Variants in AADACL3 observed in about 807,000 individuals in gnomAD.
AADACL3 encodes arylacetamide deacetylase-like 3.
In AADACL3, 13 loss-of-function variants were observed where a neutral mutation model predicts 13.6. The observed-to-expected ratio is 0.95, with a 90% CI of 0.62 to 1.52. The LOEUF (loss-of-function observed/expected upper bound fraction) is 1.52. AADACL3 is among the 40% of genes most tolerant of loss of function. The probability of loss-of-function intolerance (pLI) is 0.00; values close to 1 mark genes in which losing one functional copy is unlikely to be tolerated. For missense variants in AADACL3, 519 were observed against 499.2 expected, an observed-to-expected ratio of 1.04 and a Z score of -0.38; for synonymous variants, 195 against 197.0, an observed-to-expected ratio of 0.99 and a Z score of 0.08.
chr1:12,728,632 G>C lies in AADACL3; in HGVS notation c.*2636G>C, dbSNP rs987752474. 6.6e-6 allele frequency: 1 copy of C among 152,284 alleles called. No homozygotes were observed. The highest frequency in any genetic ancestry group is 2.4e-5 in the African/African-American group (1 of 41,450). The allele number at this position is 152,284 out of a possible 1,614,324, so 9.4% of individuals were successfully genotyped here. The stretch of plus-strand genomic sequence containing the variant: ...AAAGATGTGTATGTTACATTCATGG[G>C]AATGTCTAAATTGTCGTAATCTTTT... On this transcript the variant is annotated 3_prime_UTR_variant, in exon 4 of 4. Transcript: ENST00000359318.
rs910165197 is a variant in AADACL3 at position 12,717,958 on chromosome 1, G to A, written c.169-1517G>A. Among the ~76,000 whole-genome samples, 9 of 152,202 alleles carry A rather than the reference G, an allele frequency of 5.9e-5. 1 individual carries two copies. The highest frequency in any genetic ancestry group is 1.3e-4 in the Admixed American group (2 of 15,288). ...TGAAATTCTTCTCATGAGGAATGAA[G>A]GCAACAAACCACAGTCCTGAAAGCC... On this transcript the variant is annotated intron_variant, in intron 1 of 3. Coordinates refer to ENST00000359318, the MANE Select transcript of AADACL3 (RefSeq NM_001103170.3).
rs1648516078 is a variant in AADACL3, at chr1:12,719,427, C to T, written c.169-48C>T. ...GTTGTGAAGGCCAGACTCCAGATGG[C>T]CTGTGAAGAAACCCATCTCGACCCA... On this transcript the variant is annotated intron_variant, in intron 1 of 3. Coordinates refer to ENST00000359318, the MANE Select transcript of AADACL3 (RefSeq NM_001103170.3). 2.6e-6 allele frequency: 4 copies of T among 1,559,510 alleles called. No homozygotes were observed. The African/African-American group carries it at 4.1e-5, about 16-fold the overall frequency.
intron 3 of AADACL3, among the ~76,000 whole-genome samples, chr1:12,724,673 G>T (rs1279038476): frequency 2.0e-5 from 3 of 152,098 alleles, no homozygotes; most frequent in East Asian, 1.9e-4. Context: ...CTTTGTAGAG[G>T]TGGGGTCTCA....
Position 12,719,797 on chromosome 1 carries a change from G to A in AADACL3, c.385+106G>A, listed in dbSNP as rs571588262. 5 of 1,181,564 alleles carry A rather than the reference G, an allele frequency of 4.2e-6. No individual in the cohort carries two copies. In the East Asian group the frequency reaches 1.2e-4, roughly 29 times the overall value. The allele number at this position is 1,181,564 out of a possible 1,614,324, so 73.2% of individuals were successfully genotyped here. On this transcript the variant is annotated intron_variant, in intron 2 of 3. Coordinates refer to ENST00000359318, the MANE Select transcript of AADACL3 (RefSeq NM_001103170.3). ...CTTAAAGTATGCTATTATTATCAGG[G>A]AACACCAGGGCAGTTCATGGTTTGC...
chr1:12,720,970 G>C (rs374862028), intron 3 of AADACL3, 24 bp downstream of exon 3: 4 of 1,578,246 alleles, frequency 2.5e-6, no homozygotes, highest in Non-Finnish European at 3.5e-6. Flanking sequence ...AGATCCCAGG[G>C]AGCCAGCAAG....
Position 12,720,885 on chromosome 1 carries a change from A to C in AADACL3, c.388A>C (p.Thr130Pro). The change falls in exon 3 of 4, where the codon ACC becomes CCC. Residue 130 changes from threonine (T) to proline (P), a missense_variant and splice_region_variant. Transcript: ENST00000359318. ...CTTAAAAACCATTTATTTTCTAGAA[A>C]CCCACCATGGCATATGCTCTCGTTT... Reference protein sequence around the residue: ...GGGGVMGSLKTHHGICSRLCK... With the variant: ...GGGGVMGSLKPHHGICSRLCK... The C allele has an allele frequency of 6.2e-7, 1 of 1,610,906 alleles. No individual in the cohort carries two copies. The highest frequency in any genetic ancestry group is 8.5e-7 in the Non-Finnish European group (1 of 1,177,944).
In AADACL3 at chr1:12,725,723, T is replaced by C; in HGVS notation, c.951T>C (p.Val317=). 3 of 1,614,154 alleles carry C rather than the reference T, an allele frequency of 1.9e-6. No homozygotes were observed. The highest frequency in any genetic ancestry group is 2.5e-6 in the Non-Finnish European group (3 of 1,180,024). ...MNEAAYLEVS[V]VLDVMCSPLI... Reference sequence around the variant, plus strand: ...AAGCTGCTTACTTGGAAGTAAGTGTTGTCCTGGATGTGATGTGCTCGCCCC... The same window carrying C: ...AAGCTGCTTACTTGGAAGTAAGTGTCGTCCTGGATGTGATGTGCTCGCCCC... Residue 317 remains valine, a synonymous_variant, in exon 4 of 4, where the codon GTT becomes GTC. Coordinates refer to ENST00000359318, the MANE Select transcript of AADACL3 (RefSeq NM_001103170.3).
In AADACL3 at chr1:12,727,341, G is replaced by T. The variant is rs376542823; in HGVS notation, c.*1345G>T. On this transcript the variant is annotated 3_prime_UTR_variant, in exon 4 of 4. Transcript: ENST00000359318. ...GACAACGTTCCTAATTGAAGGGTAG[G>T]GTAAATGGTTGTTGGGTGGACACCA... is the stretch of plus-strand genomic sequence containing the variant. The T allele has an allele frequency of 2.0e-5, 3 of 152,178 alleles. No individual in the cohort carries two copies. The highest frequency in any genetic ancestry group is 4.1e-4 in the South Asian group (2 of 4,830). The allele number at this position is 152,178 out of a possible 1,614,324, so 9.4% of individuals were successfully genotyped here.
chr1:12,717,438 A>G (rs951925933), intron 1 of AADACL3, among the ~76,000 whole-genome samples: 1 of 152,182 alleles, frequency 6.6e-6, no homozygotes, highest in Non-Finnish European at 1.5e-5. Flanking sequence ...CCCTCTCCAG[A>G]AGGCTTATTA....
intron 3 of AADACL3, among the ~76,000 whole-genome samples, chr1:12,723,675 C>T (rs1404206211): frequency 6.6e-6 from 1 of 151,688 alleles, no homozygotes; most frequent in Admixed American, 6.6e-5. Context: ...GGCAGGGTTT[C>T]ACCTTGTTGC....
intron 1 of AADACL3, among the ~76,000 whole-genome samples, chr1:12,717,103 T>C (rs999450152): frequency 6.6e-6 from 1 of 152,242 alleles, no homozygotes; most frequent in Non-Finnish European, 1.5e-5. Flanking sequence ...AAAATATTTT[T>C]TGTAAGTTTC....
At chr1:12,721,447 G>A (rs1360908163) in intron 3 of AADACL3, among the ~76,000 whole-genome samples, 2 of 152,046 alleles carry the variant, frequency 1.3e-5, no homozygotes, top group African/African-American at 2.4e-5. Flanking sequence ...ATAAGGGGAG[G>A]TGAAGAGAGA....
At chr1:12,722,357 G>T (rs149872450) in intron 3 of AADACL3, among the ~76,000 whole-genome samples, 5 of 141,460 alleles carry the variant, frequency 3.5e-5, no homozygotes, top group African/African-American at 1.0e-4. Flanking sequence ...AAATGGAAAA[G>T]AAAATGAAGA....
At chr1:12,722,865 A>G (rs1457002424) in intron 3 of AADACL3, among the ~76,000 whole-genome samples, 1 of 152,076 alleles carries the variant, frequency 6.6e-6, no homozygotes, top group Admixed American at 6.5e-5. Flanking sequence ...GTCCTCAGCA[A>G]TGTCGACAGG....
rs369701134 is a variant in AADACL3 at position 12,719,575 on chromosome 1, C to T, written c.269C>T (p.Thr90Met). The T allele has an allele frequency of 3.0e-5, 49 of 1,614,016 alleles. No homozygotes were observed. The highest frequency in any genetic ancestry group is 1.6e-4 in the African/African-American group (12 of 75,040). The change falls in exon 2 of 4, where the codon ACG becomes ATG. Residue 90 changes from threonine to methionine, a missense_variant. Thr to Met is a moderately conservative substitution (Grantham distance 81). Coordinates refer to ENST00000359318, the MANE Select transcript of AADACL3 (RefSeq NM_001103170.3). The stretch of plus-strand genomic sequence containing the variant: ...AAGTATGACCCCGATGTTGTGGTCA[C>T]GGATTTCCGCTTTGGGACAATCCCT... ...PLKYDPDVVV[T>M]DFRFGTIPVK...
Position 12,725,336 on chromosome 1 carries a change from G to C in AADACL3, c.564G>C (p.Val188=). ...ATGGAGTGGATCCAGCCCGGGTTGT[G>C]GTCTGCGGTGACAGTTTCGGAGGGG... ...DAYGVDPARV[V]VCGDSFGGAI... Residue 188 remains valine (V), a synonymous_variant, in exon 4 of 4, where the codon GTG becomes GTC. Transcript: ENST00000359318. 1 of 1,614,108 alleles carries C rather than the reference G, an allele frequency of 6.2e-7. No individual in the cohort carries two copies.
Position 12,725,735 on chromosome 1 carries a change from G to A in AADACL3, c.963G>A (p.Val321=). The A allele has an allele frequency of 6.2e-7, 1 of 1,614,192 alleles. No individual in the cohort carries two copies. The change falls in exon 4 of 4, where the codon GTG becomes GTA. Residue 321 remains valine (V), a synonymous_variant. Transcript: ENST00000359318. Reference sequence around the variant, plus strand: ...TGGAAGTAAGTGTTGTCCTGGATGTGATGTGCTCGCCCCTGATTGCAGAAG... The same window carrying A: ...TGGAAGTAAGTGTTGTCCTGGATGTAATGTGCTCGCCCCTGATTGCAGAAG... ...AYLEVSVVLD[V]MCSPLIAEDD...
rs1197344355 is a variant in AADACL3, at chr1:12,728,126, A to G, written c.*2130A>G. On this transcript the variant is annotated 3_prime_UTR_variant, in exon 4 of 4. Coordinates refer to ENST00000359318, the MANE Select transcript of AADACL3 (RefSeq NM_001103170.3). ...ATTCTCCACTCCTCTCCTTTACCAC[A>G]TCACCACTATCCTTCCTGCAATACA... 3.5e-4 allele frequency: 53 copies of G among 152,216 alleles called. No homozygotes were observed. The highest frequency in any genetic ancestry group is 3.5e-3 in the Admixed American group (53 of 15,282). The allele number at this position is 152,216 out of a possible 1,614,324, so 9.4% of individuals were successfully genotyped here. A position where few individuals can be genotyped will look rare whatever the true frequency, so the allele number is the denominator to read the frequency against.
At position 12,728,157 on chromosome 1, in the gene AADACL3, G is replaced by A. The variant is rs1010647398; in HGVS notation, c.*2161G>A. 2.0e-5 allele frequency: 3 copies of A among 152,064 alleles called. No individual in the cohort carries two copies. Among genetic ancestry groups the A allele is most frequent in the Non-Finnish European group, 4.4e-5 (3 of 68,016 alleles). 9.4% of individuals were successfully genotyped at this position (152,064 alleles called of 1,614,324 possible). A position where few individuals can be genotyped will look rare whatever the true frequency, so the allele number is the denominator to read the frequency against. On this transcript the variant is annotated 3_prime_UTR_variant, in exon 4 of 4. Coordinates refer to ENST00000359318, the MANE Select transcript of AADACL3 (RefSeq NM_001103170.3). ...ACTATCCTTCCTGCAATACATCCAC[G>A]AGACTCACTGAGTGGAAAAGGGATA...
Sources: gnomAD v4.1 joint callset for allele counts (sites outside exome capture counted in the v4.1 genomes callset) on GRCh38, gnomAD v4.1.1 for gene constraint, MANE v1.5 for transcripts, NCBI Gene and HGNC (gene_info 2026-07-23, HGNC 2026-07-21) for gene names.